RBFOX1: variants seen among roughly 807,000 people sequenced by gnomAD.
RBFOX1 encodes the protein RNA binding protein fox-1 homolog 1.
A neutral mutation model predicts 57.7 loss-of-function variants in RBFOX1; 8 were observed. That is an observed-to-expected ratio of 0.14 (90% CI 0.08 to 0.25). The LOEUF (loss-of-function observed/expected upper bound fraction) is 0.25, where lower values mean the gene tolerates loss of function less well. Ranked by LOEUF, RBFOX1 falls within the 10% of genes least tolerant of loss-of-function variation. RBFOX1 has a pLI of 1.00. For missense variants in RBFOX1, 611 were observed against 548.5 expected (o/e 1.11, Z -1.14); for synonymous variants, 326 against 222.4 (o/e 1.47, Z -4.15).
intron 4 of RBFOX1, among the ~76,000 whole-genome samples, chr16:7,411,156 G>C (rs1030355897): frequency 6.6e-6 from 1 of 152,074 alleles, no homozygotes; most frequent in Non-Finnish European, 1.5e-5. Flanking sequence ...ATGTTGGCCA[G>C]GTTGGTCTTG....
intron 4 of RBFOX1, among the ~76,000 whole-genome samples, chr16:7,393,548 G>A (rs1462230556): frequency 6.6e-6 from 1 of 152,150 alleles, no homozygotes; most frequent in African/African-American, 2.4e-5. Context: ...GTGAATTGAA[G>A]GAATGCTCTC....
At chr16:6,084,213 T>C (rs1177007842) in intron 1 of RBFOX1, among the ~76,000 whole-genome samples, 1 of 152,024 alleles carries the variant, frequency 6.6e-6, no homozygotes, top group Non-Finnish European at 1.5e-5. Flanking sequence ...TTGCAGTATT[T>C]AATGGTCCTT....
intron 3 of RBFOX1, among the ~76,000 whole-genome samples, chr16:6,768,314 A>G (rs2077705988): frequency 6.6e-6 from 1 of 151,582 alleles, no homozygotes. Flanking sequence ...ATATGACAAT[A>G]AAGAGTCTTA....
At chr16:6,573,817 G>C (rs992581098) in intron 2 of RBFOX1, 1 of 152,182 alleles carries the variant, frequency 6.6e-6, no homozygotes, top group South Asian at 2.1e-4. Context: ...GAGCACCGTG[G>C]GGAGGCAGTG....
chr16:7,263,327 C>T (rs931993625), intron 4 of RBFOX1, among the ~76,000 whole-genome samples: 3 of 152,056 alleles, frequency 2.0e-5, no homozygotes, highest in Non-Finnish European at 2.9e-5. Flanking sequence ...GGTAGACATG[C>T]ATGGGCCCTG....
chr16:6,738,304 G>C (rs866202701), intron 3 of RBFOX1, among the ~76,000 whole-genome samples: 5 of 152,012 alleles, frequency 3.3e-5, no homozygotes, highest in South Asian at 4.2e-4. Flanking sequence ...CATAAGGAGA[G>C]GAGGGGAACT....
At chr16:5,324,118 G>A (rs953049851) in intron 1 of RBFOX1, among the ~76,000 whole-genome samples, 1 of 152,190 alleles carries the variant, frequency 6.6e-6, no homozygotes, top group Non-Finnish European at 1.5e-5. Flanking sequence ...TGTTGGGGGA[G>A]GGGGTGGGGG....
At position 5,847,665 on chromosome 16, in the gene RBFOX1, C is replaced by T. The variant is rs117196600; in HGVS notation, c.319-19638C>T. ...CTTTTAGTGAAGCTATATGGCCCTCCGGAGGCTGACTGGCTTAGCTTCTGA... is the reference window on the plus strand; with the variant it reads ...CTTTTAGTGAAGCTATATGGCCCTCTGGAGGCTGACTGGCTTAGCTTCTGA... On this transcript the variant is annotated intron_variant, in intron 3 of 19. Transcript: ENST00000641259. 4.4e-4 allele frequency among the ~76,000 whole-genome samples: 67 copies of T among 152,134 alleles called. No homozygotes were observed. In the East Asian group the frequency reaches 0.012, roughly 28 times the overall value.
At chr16:6,224,769 C>T (rs1046115109) in intron 1 of RBFOX1, among the ~76,000 whole-genome samples, 2 of 151,990 alleles carry the variant, frequency 1.3e-5, no homozygotes, top group Non-Finnish European at 1.5e-5. Context: ...GCCCATAATC[C>T]CAGCATTTTA....
chr16:7,421,724 A>G (rs1373860061), intron 4 of RBFOX1, among the ~76,000 whole-genome samples: 1 of 152,050 alleles, frequency 6.6e-6, no homozygotes, highest in Non-Finnish European at 1.5e-5. Context: ...AGAAATAACA[A>G]CTCCACATCA....
At chr16:5,699,674 G>A (rs1317578823) in intron 3 of RBFOX1, among the ~76,000 whole-genome samples, 1 of 152,076 alleles carries the variant, frequency 6.6e-6, no homozygotes, top group Non-Finnish European at 1.5e-5. Flanking sequence ...GGGATCTAGA[G>A]GATAGAATCC....
intron 4 of RBFOX1, among the ~76,000 whole-genome samples, chr16:7,114,356 A>C (rs570752879): frequency 2.2e-4 from 34 of 152,348 alleles, no homozygotes; most frequent in Non-Finnish European, 4.0e-4. Flanking sequence ...GTCCAAGGTC[A>C]CATATTTAAT....
Position 7,420,409 on chromosome 16 carries a change from C to T in RBFOX1, c.28-97738C>T, listed in dbSNP as rs1050736025. Among the ~76,000 whole-genome samples the T allele has an allele frequency of 6.6e-5, 10 of 152,168 alleles. No homozygotes were observed. In the South Asian group the frequency reaches 2.1e-3, roughly 32 times the overall value. ...ATAAGAAGGAGGTTGGTAGTTACAG[C>T]AATAAAAACAGGAGCAAAAAGAGCA... On this transcript the variant is annotated intron_variant, in intron 4 of 15. Transcript: ENST00000550418.
chr16:5,622,913 A>C (rs1159633558), intron 3 of RBFOX1, among the ~76,000 whole-genome samples: 1 of 152,254 alleles, frequency 6.6e-6, no homozygotes, highest in East Asian at 1.9e-4. Flanking sequence ...ACAGTATAAC[A>C]ACTCTTTACA....
intron 7 of RBFOX1, among the ~76,000 whole-genome samples, chr16:7,594,920 G>A (rs901002005): frequency 1.3e-5 from 2 of 152,086 alleles, no homozygotes; most frequent in African/African-American, 2.4e-5. Flanking sequence ...CATTTCATGT[G>A]ACTTTTTTGT....
At chr16:6,580,315 T>C (rs2097518672) in intron 2 of RBFOX1, among the ~76,000 whole-genome samples, 1 of 152,184 alleles carries the variant, frequency 6.6e-6, no homozygotes, top group South Asian at 2.1e-4. Flanking sequence ...CAAATTTTTA[T>C]TCACCTCAGT....
Position 5,906,694 on chromosome 16 carries a change from C to T in RBFOX1, c.351+39359C>T, listed in dbSNP as rs140097589. The stretch of plus-strand genomic sequence containing the variant: ...GCTGAGTGTTGTCGCTGACCACACT[C>T]CCAGCAGCCGCTGAAGCCATGAATC... On this transcript the variant is annotated intron_variant, in intron 4 of 19. Coordinates refer to the RBFOX1 transcript ENST00000641259. 6.7e-3 allele frequency among the ~76,000 whole-genome samples: 1,017 copies of T among 151,028 alleles called. 15 individuals carry two copies. The highest frequency in any genetic ancestry group is 0.024 in the African/African-American group (985 of 41,006).
chr16:5,824,224 A>G (rs1286549205), intron 3 of RBFOX1, among the ~76,000 whole-genome samples: 2 of 152,200 alleles, frequency 1.3e-5, no homozygotes, highest in South Asian at 2.1e-4. Flanking sequence ...GGGGCGCCAG[A>G]GTCTGCGCCA....
intron 2 of RBFOX1, among the ~76,000 whole-genome samples, chr16:5,564,244 C>T (rs1264643469): frequency 6.6e-6 from 1 of 152,006 alleles, no homozygotes; most frequent in Non-Finnish European, 1.5e-5. Context: ...TCTTGAACTC[C>T]TGACCTCAGG....
Sources: allele counts gnomAD v4.1 joint callset (sites outside exome capture counted in the v4.1 genomes callset), GRCh38; gene constraint gnomAD v4.1.1; transcripts MANE v1.5; gene names NCBI Gene and HGNC (gene_info 2026-07-23, HGNC 2026-07-21).